Variants in CFAP92 observed in about 807,000 individuals in gnomAD.
CFAP92 encodes uncharacterized protein CFAP92.
CFAP92 carries 86 observed loss-of-function variants against 106.3 expected under a neutral mutation model. That is an observed-to-expected ratio of 0.81 (90% CI 0.68 to 0.97). The LOEUF (loss-of-function observed/expected upper bound fraction) is 0.97. Among genes scored for constraint, CFAP92 ranks in the 50% least tolerant of loss-of-function variants. The pLI, the probability that CFAP92 is intolerant of heterozygous loss-of-function variation, is 0.00. For missense variants in CFAP92, 1,204 were observed against 1,283.8 expected, an observed-to-expected ratio of 0.94 and a Z score of 0.95; for synonymous variants, 477 against 506.4, an observed-to-expected ratio of 0.94 and a Z score of 0.78.
intron 6 of CFAP92, 33 bp from the exon 7 acceptor site, chr3:128,975,936 G>A (rs934894971): frequency 3.2e-6 from 5 of 1,572,550 alleles, no homozygotes; most frequent in Non-Finnish European, 2.6e-6. Context: ...AATTAATGAA[G>A]GTGAAAAAAA....
At chr3:129,004,962 C>A (rs1945005484), upstream of CFAP92, among the ~76,000 whole-genome samples, 3 of 152,204 alleles carry the variant, frequency 2.0e-5, no homozygotes, top group Non-Finnish European at 2.9e-5. Context: ...GGGGTCCCTG[C>A]CTGTGGGAGT....
chr3:128,948,332 C>T (rs992768792), intron 9 of CFAP92, among the ~76,000 whole-genome samples: 8 of 149,596 alleles, frequency 5.3e-5, no homozygotes, highest in African/African-American at 2.0e-4. Flanking sequence ...GTAGCTGGGA[C>T]TACAGGTGTG....
intron 12 of CFAP92, among the ~76,000 whole-genome samples, chr3:128,928,723 A>G (rs547965467): frequency 6.6e-6 from 1 of 152,348 alleles, no homozygotes; most frequent in Non-Finnish European, 1.5e-5. Context: ...GATCTTCGTA[A>G]CTTTAAGCAG....
Position 128,945,993 on chromosome 3 carries a change from C to T in CFAP92, c.1354-18G>A. 1 of 1,410,652 alleles carries T rather than the reference C, an allele frequency of 7.1e-7. No homozygotes were observed. The highest frequency in any genetic ancestry group is 1.6e-5 in the South Asian group (1 of 61,340). 87.4% of individuals were successfully genotyped at this position (1,410,652 alleles called of 1,614,324 possible). A position where few individuals can be genotyped will look rare whatever the true frequency, so the allele number is the denominator to read the frequency against. On this transcript the variant is annotated intron_variant, in intron 9 of 15. Coordinates refer to ENST00000645291, the MANE Select transcript of CFAP92 (RefSeq NM_001394090.1). Reference sequence around the variant, plus strand: ...CACAGCCTCTACGAGAGAGCAGGGCCACAGCAGGTCACCCAGCCACAAGGA... The same window carrying T: ...CACAGCCTCTACGAGAGAGCAGGGCTACAGCAGGTCACCCAGCCACAAGGA...
chr3:128,910,097 T>C lies in CFAP92; in HGVS notation c.*202A>G, dbSNP rs888969773. The C allele has an allele frequency of 8.1e-6, 13 of 1,613,750 alleles. No homozygotes were observed. Among genetic ancestry groups the C allele is most frequent in the Non-Finnish European group, 1.1e-5 (13 of 1,180,008 alleles). ...AACCTGTATGGCATGACGGCCGTGC[T>C]GTCGCGGGCCAGCCGCTCCATCCGC... On this transcript the variant is annotated 3_prime_UTR_variant, in exon 16 of 16. Transcript: ENST00000645291.
chr3:129,002,604 G>A, exon 1 of CFAP92: 1 of 511,012 alleles, frequency 2.0e-6, no homozygotes, highest in Non-Finnish European at 3.2e-6. Flanking sequence ...CCACATCATC[G>A]CGTCTTGCCC....
Position 128,993,126 on chromosome 3 carries a change from T to C in CFAP92, c.179A>G (p.Glu60Gly), listed in dbSNP as rs1394113095. 1 of 1,613,956 alleles carries C rather than the reference T, an allele frequency of 6.2e-7. No individual in the cohort carries two copies. The highest frequency in any genetic ancestry group is 8.5e-7 in the Non-Finnish European group (1 of 1,179,908). Residue 60 changes from glutamate (E) to glycine (G), a missense_variant, in exon 2 of 16, where the codon GAG (glutamate) becomes GGG (glycine). By Grantham distance (98) the Glu-to-Gly change is moderately conservative. Coordinates refer to ENST00000645291, the MANE Select transcript of CFAP92 (RefSeq NM_001394090.1). The stretch of plus-strand genomic sequence containing the variant: ...GTCGGAGCTGAAAGTGCTGGCAGGC[T>C]CAGATGAGGACTCGATGCTGCTGCA... ...RPCSSIESSS[E>G]PASTFSSDVP... is the part of the protein sequence containing the mutation.
At chr3:128,939,530 A>AACC (rs960909224) in intron 10 of CFAP92, among the ~76,000 whole-genome samples, 4 of 152,074 alleles carry the variant, frequency 2.6e-5, no homozygotes, top group African/African-American at 9.7e-5. Flanking sequence ...TATTTAGTGC[A>AACC]ACCACCACCA....
chr3:128,953,125 A>C (rs1940974275), intron 9 of CFAP92, among the ~76,000 whole-genome samples: 1 of 152,144 alleles, frequency 6.6e-6, no homozygotes, highest in Non-Finnish European at 1.5e-5. Context: ...AAAATACAAT[A>C]ACTGCAATAA....
intron 12 of CFAP92, among the ~76,000 whole-genome samples, chr3:128,929,410 A>T (rs905513897): frequency 1.4e-4 from 22 of 152,172 alleles, no homozygotes; most frequent in Non-Finnish European, 2.8e-4. Context: ...TGACCCAGCA[A>T]TTCCACTCCT....
chr3:128,994,995 G>C (rs1227300852), upstream of CFAP92, among the ~76,000 whole-genome samples: 1 of 152,238 alleles, frequency 6.6e-6, no homozygotes, highest in Non-Finnish European at 1.5e-5. Context: ...ATGGTACATA[G>C]CCCCACAGGG....
In CFAP92 at chr3:128,945,329, A is replaced by G; in HGVS notation, c.2000T>C (p.Phe667Ser). 6.5e-7 allele frequency: 1 copy of G among 1,536,116 alleles called. No homozygotes were observed. Among genetic ancestry groups the G allele is most frequent in the South Asian group, 1.2e-5 (1 of 84,056 alleles). Residue 667 changes from phenylalanine (F) to serine (S), a missense_variant, in exon 10 of 16, where the codon TTT (phenylalanine) becomes TCT (serine). Transcript: ENST00000645291. Reference sequence around the variant, plus strand: ...GCTGTGGAGCAGGGAGACCTTCTTAAAGTCAAAGACGAAGATGATGCGGCC... The same window carrying G: ...GCTGTGGAGCAGGGAGACCTTCTTAGAGTCAAAGACGAAGATGATGCGGCC... ...QFGRIIFVFD[F>S]KKVSLLHSLL...
chr3:128,928,662 C>G (rs945330654), intron 12 of CFAP92, among the ~76,000 whole-genome samples: 1 of 152,120 alleles, frequency 6.6e-6, no homozygotes, highest in Non-Finnish European at 1.5e-5. Context: ...AAATGGTTCA[C>G]AGATCTAAAT....
the CFAP92 span, among the ~76,000 whole-genome samples, chr3:129,020,464 C>T: frequency 2.7e-4 from 41 of 152,184 alleles, no homozygotes; most frequent in African/African-American, 8.7e-4. Flanking sequence ...TAGTGAGACT[C>T]CATCTCTACA....
rs1326364211 is a variant in CFAP92, at chr3:128,965,609, T to C, written c.1255A>G (p.Met419Val). 2.5e-6 allele frequency: 1 copy of C among 398,844 alleles called. No homozygotes were observed. The highest frequency in any genetic ancestry group is 4.4e-6 in the Non-Finnish European group (1 of 226,056). 24.7% of individuals were successfully genotyped at this position (398,844 alleles called of 1,614,324 possible). ...AAATCCTGCTTTTGCTCCTCGGTCA[T>C]GATCGGAACTTCTGTTTTTAAAGTC... ...LLTLKTEVPI[M>V]TEEQKQDLNP... The change falls in exon 9 of 16, where the codon ATG becomes GTG. Residue 419 changes from methionine (M) to valine (V), a missense_variant. By Grantham distance (21) the Met-to-Val change is conservative. Coordinates refer to ENST00000645291, the MANE Select transcript of CFAP92 (RefSeq NM_001394090.1).
intron 9 of CFAP92, among the ~76,000 whole-genome samples, chr3:128,949,687 TTTTA>T (rs1257569287): frequency 6.6e-6 from 1 of 152,178 alleles, no homozygotes; most frequent in Non-Finnish European, 1.5e-5. Context: ...CTATACGTGA[TTTTA>T]TTTTATTTTT....
intron 12 of CFAP92, among the ~76,000 whole-genome samples, chr3:128,929,348 C>A (rs1339147477): frequency 1.3e-5 from 2 of 152,118 alleles, no homozygotes; most frequent in African/African-American, 4.8e-5. Flanking sequence ...CTGTAAAAAC[C>A]GCTTTTCTTA....
At chr3:128,958,965 C>T (rs1559898031) in intron 9 of CFAP92, among the ~76,000 whole-genome samples, 1 of 152,102 alleles carries the variant, frequency 6.6e-6, no homozygotes, top group Non-Finnish European at 1.5e-5. Flanking sequence ...AATCCCAACA[C>T]TTTGGGAGGC....
chr3:128,930,945 T>A (rs1042914797), intron 12 of CFAP92, among the ~76,000 whole-genome samples: 1 of 152,032 alleles, frequency 6.6e-6, no homozygotes, highest in Non-Finnish European at 1.5e-5. Flanking sequence ...ATTCTGTTGC[T>A]CTGAGTGCTG....
Sources: allele counts gnomAD v4.1 joint callset (sites outside exome capture counted in the v4.1 genomes callset), GRCh38; gene constraint gnomAD v4.1.1; transcripts MANE v1.5; gene names NCBI Gene and HGNC (gene_info 2026-07-23, HGNC 2026-07-21).